Variants in NECAB1 observed in about 807,000 individuals in gnomAD.
NECAB1 encodes N-terminal EF-hand calcium-binding protein 1.
A neutral mutation model predicts 57.5 loss-of-function variants in NECAB1; 29 were observed. The ratio of observed to expected loss-of-function variants is 0.50; its 90% CI spans 0.38 to 0.69. The LOEUF (loss-of-function observed/expected upper bound fraction) is 0.69. Ranked by LOEUF, NECAB1 falls within the 30% of genes least tolerant of loss-of-function variation. The pLI, the probability that NECAB1 is intolerant of heterozygous loss-of-function variation, is 0.00. For synonymous variants in NECAB1, 142 were observed against 147.7 expected, an observed-to-expected ratio of 0.96 and a Z score of 0.28; for missense variants, 372 against 413.8, an observed-to-expected ratio of 0.90 and a Z score of 0.88.
intron 3 of NECAB1, among the ~76,000 whole-genome samples, chr8:90,863,247 A>C (rs1481702770): frequency 6.6e-6 from 1 of 152,138 alleles, no homozygotes; most frequent in African/African-American, 2.4e-5. Flanking sequence ...AAGCAAACCA[A>C]TATTTGAAAT....
chr8:90,795,708 TCA>T (rs59863984), intron 1 of NECAB1, among the ~76,000 whole-genome samples: 5,759 of 147,590 alleles, frequency 0.039, 286 homozygotes, highest in African/African-American at 0.12. Flanking sequence ...CTCATCTCTC[TCA>T]CACACACACA....
chr8:90,916,549 G>A (rs369371159), intron 5 of NECAB1, among the ~76,000 whole-genome samples: 62 of 152,192 alleles, frequency 4.1e-4, no homozygotes, highest in African/African-American at 1.4e-3. Context: ...TTTTGTTTAG[G>A]GACAGAGACA....
chr8:90,830,513 T>C (rs1481839544), intron 3 of NECAB1, among the ~76,000 whole-genome samples: 1 of 151,996 alleles, frequency 6.6e-6, no homozygotes, highest in African/African-American at 2.4e-5. Context: ...CAGGCTTGGG[T>C]TTCAGCAATA....
At chr8:90,902,124 G>C (rs186783339) in intron 5 of NECAB1, among the ~76,000 whole-genome samples, 4 of 152,184 alleles carry the variant, frequency 2.6e-5, no homozygotes, top group African/African-American at 9.6e-5. Context: ...GTTCTGTTAT[G>C]AAACATCACT....
At chr8:90,911,731 C>T (rs1046763705) in intron 5 of NECAB1, among the ~76,000 whole-genome samples, 6 of 152,120 alleles carry the variant, frequency 3.9e-5, no homozygotes, top group Non-Finnish European at 7.4e-5. Flanking sequence ...TTTGTCCTAG[C>T]AATAATTCTG....
chr8:90,953,211 A>C (rs896511111), intron 12 of NECAB1, among the ~76,000 whole-genome samples: 3 of 152,222 alleles, frequency 2.0e-5, no homozygotes, highest in Non-Finnish European at 4.4e-5. Context: ...AGGATAGAAC[A>C]GGAGGCTACT....
chr8:90,871,819 G>A (rs1808626907), intron 3 of NECAB1, among the ~76,000 whole-genome samples: 1 of 152,222 alleles, frequency 6.6e-6, no homozygotes. Flanking sequence ...TTAAATTGCA[G>A]AGTCAGGATT....
At chr8:90,900,311 A>G (rs990955120) in intron 5 of NECAB1, among the ~76,000 whole-genome samples, 5 of 152,218 alleles carry the variant, frequency 3.3e-5, no homozygotes, top group Admixed American at 6.5e-5. Context: ...AAGTAACAAC[A>G]GAAGGGTAGA....
chr8:90,885,746 A>G (rs1586085556), intron 5 of NECAB1, among the ~76,000 whole-genome samples: 1 of 152,184 alleles, frequency 6.6e-6, no homozygotes, highest in East Asian at 1.9e-4. Context: ...TACTATAAAT[A>G]TGCAGCTGTA....
intron 5 of NECAB1, among the ~76,000 whole-genome samples, chr8:90,896,677 C>A (rs913285751): frequency 3.3e-5 from 5 of 152,088 alleles, no homozygotes. Context: ...CAATTCTCTG[C>A]CTTCTACTTT....
rs1563528252 is a variant in NECAB1 at position 90,906,889 on chromosome 8, A to ATATATATATATATATG, written c.358-10588_358-10587insGTATATATATATATAT. Among the ~76,000 whole-genome samples the ATATATATATATATATG allele has an allele frequency of 9.6e-5, 7 of 72,856 alleles. 2 individuals are homozygous for ATATATATATATATATG. The highest frequency in any genetic ancestry group is 4.0e-4 in the African/African-American group (7 of 17,400). The allele number at this position is 72,856 out of a possible 152,430, so 47.8% of individuals were successfully genotyped here. The stretch of plus-strand genomic sequence containing the variant: ...ATATGATATACACATATATATATAT[A>ATATATATATATATATG]TATATATATATATATATATATCTTC... On this transcript the variant is annotated intron_variant, in intron 5 of 12. Coordinates refer to ENST00000417640, the MANE Select transcript of NECAB1 (RefSeq NM_022351.5).
chr8:90,952,708 C>T (rs1190120504), intron 12 of NECAB1, among the ~76,000 whole-genome samples: 5 of 151,744 alleles, frequency 3.3e-5, no homozygotes, highest in African/African-American at 1.2e-4. Flanking sequence ...ACCCAGGAGG[C>T]GGAGGGTTGC....
intron 5 of NECAB1, chr8:90,903,716 A>C (rs1294235298): frequency 2.0e-5 from 3 of 152,214 alleles, no homozygotes; most frequent in African/African-American, 7.2e-5. Flanking sequence ...ACTAAAAATA[A>C]TGGATAGAAT....
At chr8:90,907,157 A>T (rs954979928) in intron 5 of NECAB1, among the ~76,000 whole-genome samples, 2 of 138,348 alleles carry the variant, frequency 1.4e-5, no homozygotes, top group Non-Finnish European at 3.0e-5. Context: ...TGTGTGAGAG[A>T]GAGAGAGAGA....
At position 90,872,117 on chromosome 8, in the gene NECAB1, C is replaced by G. The variant is rs1368734200; in HGVS notation, c.234-11C>G. The G allele has an allele frequency of 1.4e-5, 21 of 1,532,496 alleles. No homozygotes were observed. In the Middle Eastern group the frequency reaches 2.2e-3, roughly 160 times the overall value. The allele number at this position is 1,532,496 out of a possible 1,614,324, so 94.9% of individuals were successfully genotyped here. A position where few individuals can be genotyped will look rare whatever the true frequency, so the allele number is the denominator to read the frequency against. On this transcript the variant is annotated splice_polypyrimidine_tract_variant and intron_variant, in intron 3 of 12. Coordinates refer to ENST00000417640, the MANE Select transcript of NECAB1 (RefSeq NM_022351.5). ...GTAATAACACTGTTTTTTTTTGTTT[C>G]ATCTTTTCAGTAATCTTGACACAGA...
At chr8:90,917,822 TGTCA>T (rs1159736884) in intron 6 of NECAB1, among the ~76,000 whole-genome samples, 194 bp downstream of exon 6, 1 of 114,142 alleles carries the variant, frequency 8.8e-6, no homozygotes, top group African/African-American at 3.3e-5. Flanking sequence ...TTTCTTTTAC[TGTCA>T]GTCATTTAGT....
chr8:90,925,482 G>A, intron 6 of NECAB1, 53 bp from the exon 7 acceptor site: 1 of 1,588,630 alleles, frequency 6.3e-7, no homozygotes, highest in Non-Finnish European at 8.6e-7. Flanking sequence ...CTTCCCTGAA[G>A]GAAGAGACTG....
chr8:90,835,058 A>T (rs542652988), intron 3 of NECAB1, among the ~76,000 whole-genome samples: 1 of 149,982 alleles, frequency 6.7e-6, no homozygotes, highest in East Asian at 2.0e-4. Context: ...CTGCATTCTC[A>T]TTGTAACATG....
intron 6 of NECAB1, among the ~76,000 whole-genome samples, chr8:90,918,072 C>T (rs1460150775): frequency 2.7e-5 from 4 of 149,784 alleles, no homozygotes; most frequent in South Asian, 2.1e-4. Flanking sequence ...TGCAGTGGCA[C>T]GATCTTGGCT....
Sources: gnomAD v4.1 joint callset for allele counts (sites outside exome capture counted in the v4.1 genomes callset) on GRCh38, gnomAD v4.1.1 for gene constraint, MANE v1.5 for transcripts, NCBI Gene and HGNC (gene_info 2026-07-23, HGNC 2026-07-21) for gene names.